Variants in PAX8 observed in about 807,000 individuals in gnomAD.
PAX8 encodes paired box 8.
PAX8 carries 15 observed loss-of-function variants against 52.4 expected under a neutral mutation model. The observed-to-expected ratio is 0.29, with a 90% CI of 0.19 to 0.44. The LOEUF is 0.44. Ranked by LOEUF, PAX8 falls within the 20% of genes least tolerant of loss-of-function variation. The pLI is 1.00. For synonymous variants in PAX8, 284 were observed against 249.7 expected (o/e 1.14, Z -1.29); for missense variants, 554 against 602.5 (o/e 0.92, Z 0.84).
At chr2:113,250,126 G>T (rs758751152) in intron 2 of PAX8, among the ~76,000 whole-genome samples, 8 of 152,132 alleles carry the variant, frequency 5.3e-5, no homozygotes, top group Non-Finnish European at 1.0e-4. Context: ...AATTAGCCGG[G>T]CATGGTGGCA....
intron 3 of PAX8, among the ~76,000 whole-genome samples, chr2:113,245,051 T>TG (rs2104500510): frequency 6.8e-6 from 1 of 146,836 alleles, no homozygotes; most frequent in Non-Finnish European, 1.5e-5. Context: ...TTTTGTTTTT[T>TG]TTTTTTGTTT....
At chr2:113,237,817 A>G (rs570837150) in intron 7 of PAX8, 1 of 152,350 alleles carries the variant, frequency 6.6e-6, no homozygotes, top group African/African-American at 2.4e-5. Flanking sequence ...AGCTGAATTC[A>G]GGGAATGCTC....
Position 113,216,182 on chromosome 2 carries a change from T to A in PAX8, c.*2351A>T. 1 of 230,426 alleles carries A rather than the reference T, an allele frequency of 4.3e-6. No individual in the cohort carries two copies. The highest frequency in any genetic ancestry group is 6.1e-5 in the East Asian group (1 of 16,278). 14.3% of individuals were successfully genotyped at this position (230,426 alleles called of 1,614,324 possible). A position where few individuals can be genotyped will look rare whatever the true frequency, so the allele number is the denominator to read the frequency against. On this transcript the variant is annotated 3_prime_UTR_variant, in exon 12 of 12. Coordinates refer to ENST00000429538, the MANE Select transcript of PAX8 (RefSeq NM_003466.4). ...GAGCCCTCGGGATCCCAGAGGTTTG[T>A]GGTCAGGAAGACTCTCAGATGTCAT...
At chr2:113,229,553 G>T (rs1689767546) in intron 9 of PAX8, among the ~76,000 whole-genome samples, 1 of 152,184 alleles carries the variant, frequency 6.6e-6, no homozygotes, top group Non-Finnish European at 1.5e-5. Context: ...GGACCAAATG[G>T]GGTGAAACCC....
chr2:113,218,703 C>T, intron 11 of PAX8, 94 bp from the exon 12 acceptor site: 1 of 733,614 alleles, frequency 1.4e-6, no homozygotes, highest in Non-Finnish European at 2.3e-6. Context: ...TTTAAGACAA[C>T]ACAAGTTAAT....
At chr2:113,271,781 T>G (rs1693475619) in intron 2 of PAX8, 1 of 149,718 alleles carries the variant, frequency 6.7e-6, no homozygotes, top group Admixed American at 6.7e-5. Context: ...ATTGGAGTCT[T>G]ATCAACCTCT....
chr2:113,225,791 G>T (rs924845790), intron 10 of PAX8: 1 of 345,240 alleles, frequency 2.9e-6, no homozygotes, highest in Non-Finnish European at 4.1e-6. Flanking sequence ...TAAGCAGGCG[G>T]CAGGGGAAGG....
rs1553412951 is a variant in PAX8, at chr2:113,235,470, G to A, written c.1011C>T (p.Ser337=). The part of the protein sequence containing the change: ...SAFLDLQQVG[S]GVPPFNAFPH... ...GAAAGGCATTGAAGGGCGGGACCCC[G>A]GAGCCGACTTGCTGCAGATCCAAAA... Residue 337 remains serine (S), a synonymous_variant, in exon 9 of 12, where the codon TCC becomes TCT. Transcript: ENST00000429538. 5.0e-6 allele frequency: 8 copies of A among 1,613,044 alleles called. No individual in the cohort carries two copies. In the East Asian group the frequency reaches 1.6e-4, roughly 31 times the overall value.
At chr2:113,233,750 T>A (rs561527617) in intron 9 of PAX8, among the ~76,000 whole-genome samples, 35 of 152,104 alleles carry the variant, frequency 2.3e-4, no homozygotes, top group African/African-American at 5.5e-4. Flanking sequence ...TCTGGGCTTG[T>A]AGAGGTCTTA....
At position 113,217,000 on chromosome 2, in the gene PAX8, C is replaced by T. The variant is rs1429103119; in HGVS notation, c.*1533G>A. The T allele has an allele frequency of 4.3e-6, 1 of 231,450 alleles. No individual in the cohort carries two copies. The highest frequency in any genetic ancestry group is 8.6e-6 in the Non-Finnish European group (1 of 116,952). The allele number at this position is 231,450 out of a possible 1,614,324, so 14.3% of individuals were successfully genotyped here. A position where few individuals can be genotyped will look rare whatever the true frequency, so the allele number is the denominator to read the frequency against. ...GAGAGCCCAGTCTTCTCTCTCCCTT[C>T]AGAGCTGTTTATGCAGGCTCCAGTC... On this transcript the variant is annotated 3_prime_UTR_variant, in exon 12 of 12. Coordinates refer to ENST00000429538, the MANE Select transcript of PAX8 (RefSeq NM_003466.4).
At position 113,218,415 on chromosome 2, in the gene PAX8, T is replaced by C. The variant is rs1689098447; in HGVS notation, c.*118A>G. 1 of 593,334 alleles carries C rather than the reference T, an allele frequency of 1.7e-6. No individual in the cohort carries two copies. Among genetic ancestry groups the C allele is most frequent in the Non-Finnish European group, 2.9e-6 (1 of 340,936 alleles). 36.8% of individuals were successfully genotyped at this position (593,334 alleles called of 1,614,324 possible). A position where few individuals can be genotyped will look rare whatever the true frequency, so the allele number is the denominator to read the frequency against. On this transcript the variant is annotated 3_prime_UTR_variant, in exon 12 of 12. Transcript: ENST00000429538. ...TAACCACACAGGGAGTGTGCCGCAATGCTGGACTTGTGGTTATTTTTCATG... is the reference window on the plus strand; with the variant it reads ...TAACCACACAGGGAGTGTGCCGCAACGCTGGACTTGTGGTTATTTTTCATG...
In PAX8 at chr2:113,218,599, A is replaced by T; in HGVS notation, c.1287T>A (p.Tyr429Ter). 1 of 1,556,444 alleles carries T rather than the reference A, an allele frequency of 6.4e-7. No individual in the cohort carries two copies. The highest frequency in any genetic ancestry group is 8.7e-7 in the Non-Finnish European group (1 of 1,149,150). ...TCGGCCTTGATGTGGAACTGTAATAATATGGGGAACCTGGACACATTAAAA... is the reference window on the plus strand; with the variant it reads ...TCGGCCTTGATGTGGAACTGTAATATTATGGGGAACCTGGACACATTAAAA... ...FPNSSLLSSP[Y>*]YYSSTSRPSA... The change falls in exon 12 of 12, where the codon TAT (tyrosine) becomes TAA (stop). Residue 429 changes from tyrosine to a stop codon, truncating the protein, a stop_gained. Coordinates refer to ENST00000429538, the MANE Select transcript of PAX8 (RefSeq NM_003466.4). LOFTEE classifies it high-confidence loss of function.
At chr2:113,244,201 A>G (rs1691115650) in intron 4 of PAX8, among the ~76,000 whole-genome samples, 1 of 152,186 alleles carries the variant, frequency 6.6e-6, no homozygotes, top group African/African-American at 2.4e-5. Flanking sequence ...TAGATAGCAC[A>G]CTATGGCTGG....
intron 2 of PAX8, among the ~76,000 whole-genome samples, chr2:113,264,077 GAATCT>G (rs1692885983): frequency 6.6e-6 from 1 of 152,210 alleles, no homozygotes; most frequent in Non-Finnish European, 1.5e-5. Context: ...GGAATTACAG[GAATCT>G]TGTAATCTTT....
chr2:113,248,099 C>A (rs557650261), intron 2 of PAX8, among the ~76,000 whole-genome samples: 1 of 152,236 alleles, frequency 6.6e-6, no homozygotes, highest in Non-Finnish European at 1.5e-5. Flanking sequence ...CAAGAGGATA[C>A]TTGTCTGTTA....
chr2:113,234,486 C>T (rs1019395700), intron 9 of PAX8, among the ~76,000 whole-genome samples: 7 of 152,142 alleles, frequency 4.6e-5, no homozygotes, highest in Non-Finnish European at 1.0e-4. Flanking sequence ...CTAGAGGCTC[C>T]CTCAGGTGCT....
In PAX8 at chr2:113,219,255, G is replaced by A. The variant is rs115121922; in HGVS notation, c.1277-646C>T. Among the ~76,000 whole-genome samples, 460 of 152,290 alleles carry A rather than the reference G, an allele frequency of 3.0e-3. 2 individuals are homozygous for A. Among genetic ancestry groups the A allele is most frequent in the African/African-American group, 0.01 (417 of 41,554 alleles). ...ATTTCTGGAATACAAAGAGGTAATG[G>A]GAGGAGAGGGGGTCTTGGGGAATGG... On this transcript the variant is annotated intron_variant, in intron 11 of 11. Coordinates refer to ENST00000429538, the MANE Select transcript of PAX8 (RefSeq NM_003466.4).
chr2:113,277,493 T>C (rs1352657430), intron 2 of PAX8, among the ~76,000 whole-genome samples: 4 of 152,154 alleles, frequency 2.6e-5, no homozygotes, highest in Non-Finnish European at 5.9e-5. Flanking sequence ...CCGGCCCAAA[T>C]CGATAGCGAT....
chr2:113,250,527 G>C (rs1691682475), intron 2 of PAX8, among the ~76,000 whole-genome samples: 1 of 152,116 alleles, frequency 6.6e-6, no homozygotes, highest in African/African-American at 2.4e-5. Flanking sequence ...CAGTAGGTCT[G>C]GGATTGAACT....
Sources: allele counts gnomAD v4.1 joint callset (sites outside exome capture counted in the v4.1 genomes callset), GRCh38; gene constraint gnomAD v4.1.1; transcripts MANE v1.5; gene names NCBI Gene and HGNC (gene_info 2026-07-23, HGNC 2026-07-21).